CNTLN: variants seen among roughly 807,000 people sequenced by gnomAD.
CNTLN encodes the protein centlein, centrosomal protein.
In CNTLN, 212 loss-of-function variants were observed where a neutral mutation model predicts 180.0. The ratio of observed to expected loss-of-function variants is 1.18; its 90% CI spans 1.05 to 1.32. CNTLN has a LOEUF of 1.32. Among genes scored for constraint, CNTLN ranks in the 40% most tolerant of loss-of-function variants. The probability of loss-of-function intolerance (pLI) is 0.00; values close to 1 mark genes in which losing one functional copy is unlikely to be tolerated. For missense variants in CNTLN, 2,095 were observed against 1,610.9 expected (o/e 1.30, Z -5.14); for synonymous variants, 722 against 563.1 (o/e 1.28, Z -3.99).
Position 17,458,039 on chromosome 9 carries a change from C to T in CNTLN, c.3306+324C>T, listed in dbSNP as rs138237271. ...ACAGAATCCTTTCAGGCATGTAATG[C>T]GTCAACATAAACAGAATTGCTTTTC... On this transcript the variant is annotated intron_variant, in intron 19 of 25. Transcript: ENST00000380647. Among the ~76,000 whole-genome samples the T allele has an allele frequency of 1.4e-3, 210 of 151,996 alleles. 1 individual carries two copies. Among genetic ancestry groups the T allele is most frequent in the Non-Finnish European group, 2.3e-3 (155 of 67,902 alleles).
chr9:17,372,255 G>A (rs1184655609), intron 13 of CNTLN, among the ~76,000 whole-genome samples: 2 of 152,080 alleles, frequency 1.3e-5, no homozygotes, highest in African/African-American at 2.4e-5. Context: ...AATATCAGAT[G>A]TGAAAAAGTA....
At chr9:17,470,999 T>C (rs1279992002) in intron 23 of CNTLN, among the ~76,000 whole-genome samples, 1 of 152,060 alleles carries the variant, frequency 6.6e-6, no homozygotes, top group Admixed American at 6.6e-5. Context: ...AGGTCTATGA[T>C]ACAATTCAAG....
chr9:17,267,072 C>T (rs530869148), intron 5 of CNTLN, among the ~76,000 whole-genome samples: 1 of 152,060 alleles, frequency 6.6e-6, no homozygotes, highest in Non-Finnish European at 1.5e-5. Flanking sequence ...TGAATTTGGG[C>T]CTGTCATTAT....
In CNTLN at chr9:17,409,322, C is replaced by G. The variant is rs375351490; in HGVS notation, c.2645C>G (p.Thr882Ser). Residue 882 changes from threonine (T) to serine (S), a missense_variant, in exon 16 of 26, where the codon ACT becomes AGT. Transcript: ENST00000380647. ...SSDSEAQTSQ[T>S]LGTIIVETSQ... ...GATTCTGAAGCACAGACCTCTCAAA[C>G]TTTGGGAACAATTATTGTAGAAACA... The G allele has an allele frequency of 4.4e-5, 71 of 1,612,634 alleles. No homozygotes were observed. In the Middle Eastern group the frequency reaches 2.3e-3, roughly 52 times the overall value.
Position 17,175,032 on chromosome 9 carries a change from C to G in CNTLN, c.449+31656C>G, listed in dbSNP as rs148275594. On this transcript the variant is annotated intron_variant, in intron 2 of 25. Transcript: ENST00000380647. ...GAGTTTTCAAAGTTCTTTTCATATCCCAGATACTGGTCTTTTGTCAACTAT... is the reference window on the plus strand; with the variant it reads ...GAGTTTTCAAAGTTCTTTTCATATCGCAGATACTGGTCTTTTGTCAACTAT... 5.3e-3 allele frequency among the ~76,000 whole-genome samples: 804 copies of G among 152,214 alleles called. 5 individuals are homozygous for G. Among genetic ancestry groups the G allele is most frequent in the African/African-American group, 0.019 (774 of 41,532 alleles).
At chr9:17,212,104 G>A (rs1267899540) in intron 2 of CNTLN, among the ~76,000 whole-genome samples, 2 of 152,144 alleles carry the variant, frequency 1.3e-5, no homozygotes, top group Admixed American at 6.6e-5. Context: ...GAATAGGAGT[G>A]GTGAGAGAGG....
intron 2 of CNTLN, among the ~76,000 whole-genome samples, chr9:17,183,129 T>G (rs1373495816): frequency 6.6e-6 from 1 of 152,236 alleles, no homozygotes. Context: ...TATTTACTAA[T>G]GATTCTAGTA....
intron 18 of CNTLN, among the ~76,000 whole-genome samples, chr9:17,440,881 G>A (rs1830068715): frequency 6.6e-6 from 1 of 152,150 alleles, no homozygotes; most frequent in African/African-American, 2.4e-5. Flanking sequence ...AAAATGTCCA[G>A]AAAAGGCAAA....
At chr9:17,281,941 G>A (rs969589006) in intron 6 of CNTLN, among the ~76,000 whole-genome samples, 1 of 150,594 alleles carries the variant, frequency 6.6e-6, no homozygotes, top group Non-Finnish European at 1.5e-5. Context: ...CCACAGCCTC[G>A]CCAGAATCTG....
intron 7 of CNTLN, among the ~76,000 whole-genome samples, chr9:17,308,167 GTTAACC>G (rs1216294343): frequency 3.3e-5 from 5 of 152,082 alleles, no homozygotes; most frequent in Admixed American, 3.3e-4. Context: ...GCATACCATT[GTTAACC>G]TTATATTACT....
intron 23 of CNTLN, among the ~76,000 whole-genome samples, chr9:17,479,306 G>C (rs1832514998): frequency 6.6e-6 from 1 of 152,164 alleles, no homozygotes; most frequent in African/African-American, 2.4e-5. Flanking sequence ...TGTCCATCAA[G>C]AGATGAATGA....
At chr9:17,384,584 A>T (rs1046465577) in intron 13 of CNTLN, among the ~76,000 whole-genome samples, 1 of 152,142 alleles carries the variant, frequency 6.6e-6, no homozygotes, top group African/African-American at 2.4e-5. Flanking sequence ...CATTTCATTC[A>T]TCAGAAATGG....
intron 18 of CNTLN, among the ~76,000 whole-genome samples, chr9:17,422,555 T>A (rs1328755191): frequency 1.3e-5 from 2 of 152,180 alleles, no homozygotes; most frequent in Non-Finnish European, 2.9e-5. Context: ...ATCTGATTGG[T>A]TTTTAAAAAT....
At chr9:17,149,888 A>G (rs1818735382) in intron 2 of CNTLN, among the ~76,000 whole-genome samples, 1 of 151,890 alleles carries the variant, frequency 6.6e-6, no homozygotes, top group African/African-American at 2.4e-5. Flanking sequence ...TTTGATTTGC[A>G]TTTCTCTAAT....
intron 12 of CNTLN, among the ~76,000 whole-genome samples, chr9:17,352,415 T>C (rs1822452138): frequency 8.0e-5 from 1 of 12,426 alleles, no homozygotes; most frequent in Admixed American, 8.5e-4. Flanking sequence ...TATATATATA[T>C]ATTTTTTTTT....
chr9:17,398,035 T>A (rs1345165329), intron 15 of CNTLN, among the ~76,000 whole-genome samples: 2 of 151,884 alleles, frequency 1.3e-5, no homozygotes, highest in African/African-American at 4.8e-5. Context: ...TGTATATATA[T>A]AATTTTGTAT....
chr9:17,404,633 C>G (rs1827236061), intron 15 of CNTLN, among the ~76,000 whole-genome samples: 1 of 151,772 alleles, frequency 6.6e-6, no homozygotes, highest in African/African-American at 2.4e-5. Flanking sequence ...ACTCCTTTAC[C>G]TAGTAGTCCT....
At chr9:17,392,819 G>A (rs571744548) in intron 14 of CNTLN, among the ~76,000 whole-genome samples, 226 of 151,690 alleles carry the variant, frequency 1.5e-3, no homozygotes, top group African/African-American at 5.1e-3. Context: ...GGGTAATATA[G>A]AAGGATGTGT....
chr9:17,278,222 G>A (rs1327284787), intron 6 of CNTLN, among the ~76,000 whole-genome samples: 1 of 152,114 alleles, frequency 6.6e-6, no homozygotes, highest in Non-Finnish European at 1.5e-5. Flanking sequence ...TCTGTAGAGA[G>A]GTTGGGCTCT....
Sources: allele counts gnomAD v4.1 joint callset (sites outside exome capture counted in the v4.1 genomes callset), GRCh38; gene constraint gnomAD v4.1.1; transcripts MANE v1.5; gene names NCBI Gene and HGNC (gene_info 2026-07-23, HGNC 2026-07-21).